EXOC4: variants seen among roughly 807,000 people sequenced by gnomAD.
EXOC4 encodes the protein SEC8-like 1.
EXOC4 carries 71 observed loss-of-function variants against 107.2 expected under a neutral mutation model. The ratio of observed to expected loss-of-function variants is 0.66; its 90% CI spans 0.55 to 0.81. The LOEUF (loss-of-function observed/expected upper bound fraction) is 0.81. EXOC4 is among the 30% of genes least tolerant of loss of function. The pLI is 0.00. For missense variants in EXOC4, 1,108 were observed against 1,189.6 expected (o/e 0.93, Z 1.01); for synonymous variants, 456 against 441.2 (o/e 1.03, Z -0.42).
At chr7:134,015,736 G>A (rs1794891307) in intron 17 of EXOC4, among the ~76,000 whole-genome samples, 1 of 151,990 alleles carries the variant, frequency 6.6e-6, no homozygotes, top group African/African-American at 2.4e-5. Context: ...TTAGCCAGGT[G>A]TGGTGGCACG....
intron 7 of EXOC4, among the ~76,000 whole-genome samples, chr7:133,466,580 A>G (rs915767789): frequency 6.6e-6 from 1 of 152,194 alleles, no homozygotes; most frequent in African/African-American, 2.4e-5. Context: ...CACATACATA[A>G]TTCACACAAA....
chr7:134,060,551 T>C (rs985697352), intron 17 of EXOC4, among the ~76,000 whole-genome samples: 3 of 152,222 alleles, frequency 2.0e-5, no homozygotes, highest in Non-Finnish European at 4.4e-5. Context: ...GACCAAGCTT[T>C]CAATTTCCTG....
chr7:133,466,403 C>T (rs2150833614), intron 7 of EXOC4, among the ~76,000 whole-genome samples: 1 of 152,156 alleles, frequency 6.6e-6, no homozygotes, highest in East Asian at 1.9e-4. Flanking sequence ...ACTACAGGCT[C>T]TACAGAAATT....
At chr7:134,036,719 T>C (rs1010153742) in intron 17 of EXOC4, among the ~76,000 whole-genome samples, 1 of 152,212 alleles carries the variant, frequency 6.6e-6, no homozygotes, top group African/African-American at 2.4e-5. Context: ...CATTTACATA[T>C]GTAGATATTC....
chr7:133,470,509 A>C (rs1187772801), intron 7 of EXOC4, among the ~76,000 whole-genome samples: 1 of 152,196 alleles, frequency 6.6e-6, no homozygotes, highest in African/African-American at 2.4e-5. Context: ...ATTCAACGTA[A>C]TAGGTCCTCA....
chr7:133,446,434 G>A (rs1408125779), intron 7 of EXOC4, among the ~76,000 whole-genome samples: 1 of 152,178 alleles, frequency 6.6e-6, no homozygotes, highest in African/African-American at 2.4e-5. Flanking sequence ...AGGGCTGTCT[G>A]TAAAATGAAG....
At position 133,339,068 on chromosome 7, in the gene EXOC4, T is replaced by C. The variant is rs183927944; in HGVS notation, c.764-17262T>C. Among the ~76,000 whole-genome samples, 687 of 152,300 alleles carry C rather than the reference T, an allele frequency of 4.5e-3. 4 individuals are homozygous for C. The highest frequency in any genetic ancestry group is 0.017 in the Middle Eastern group (5 of 294). ...TGCCCAGCCCATTATATCATTCTTA[T>C]GCTTTTACATCTTTATAGCTTAGCT... On this transcript the variant is annotated intron_variant, in intron 5 of 17. Coordinates refer to ENST00000253861, the MANE Select transcript of EXOC4 (RefSeq NM_021807.4).
At chr7:133,600,846 C>G (rs2150986828) in intron 9 of EXOC4, among the ~76,000 whole-genome samples, 1 of 152,192 alleles carries the variant, frequency 6.6e-6, no homozygotes, top group East Asian at 1.9e-4. Context: ...TTTAACATTT[C>G]AAACCTTTAG....
chr7:133,390,181 G>A (rs1796821381), intron 7 of EXOC4, among the ~76,000 whole-genome samples: 1 of 152,162 alleles, frequency 6.6e-6, no homozygotes, highest in Non-Finnish European at 1.5e-5. Context: ...AATAGCTGAA[G>A]CCATACAAAT....
At chr7:133,802,425 G>A (rs919535954) in intron 10 of EXOC4, among the ~76,000 whole-genome samples, 1 of 152,068 alleles carries the variant, frequency 6.6e-6, no homozygotes, top group African/African-American at 2.4e-5. Flanking sequence ...GCTTACATAT[G>A]GTCAGTAAAT....
intron 5 of EXOC4, among the ~76,000 whole-genome samples, chr7:133,354,916 A>G (rs1235359319): frequency 1.3e-5 from 2 of 152,202 alleles, no homozygotes; most frequent in East Asian, 1.9e-4. Context: ...AGATTCTGCC[A>G]GTACAATCGT....
At chr7:133,789,074 C>A (rs1691833100) in intron 10 of EXOC4, among the ~76,000 whole-genome samples, 1 of 152,110 alleles carries the variant, frequency 6.6e-6, no homozygotes, top group African/African-American at 2.4e-5. Flanking sequence ...GCCATATAGT[C>A]TGGTTTTCAC....
chr7:133,929,775 T>G (rs898202245), intron 13 of EXOC4, among the ~76,000 whole-genome samples: 1 of 152,078 alleles, frequency 6.6e-6, no homozygotes, highest in Non-Finnish European at 1.5e-5. Context: ...TTTGCGTCAA[T>G]GTGTATCTCA....
chr7:133,275,605 C>T (rs1172349271), intron 2 of EXOC4, among the ~76,000 whole-genome samples: 1 of 152,136 alleles, frequency 6.6e-6, no homozygotes, highest in African/African-American at 2.4e-5. Flanking sequence ...TAGTGGCTGA[C>T]CTATTGACAC....
intron 5 of EXOC4, among the ~76,000 whole-genome samples, chr7:133,352,690 T>G (rs777986834): frequency 2.6e-5 from 4 of 152,058 alleles, no homozygotes; most frequent in Admixed American, 6.6e-5. Flanking sequence ...GCTATTTTTT[T>G]CTATATGCAT....
chr7:133,279,172 G>T (rs1473534975), intron 2 of EXOC4, among the ~76,000 whole-genome samples: 1 of 152,160 alleles, frequency 6.6e-6, no homozygotes, highest in Non-Finnish European at 1.5e-5. Context: ...TGGCTGCATA[G>T]TATTCCCTGG....
chr7:133,609,719 C>G (rs1802033372), intron 9 of EXOC4, among the ~76,000 whole-genome samples: 1 of 152,196 alleles, frequency 6.6e-6, no homozygotes. Context: ...TAGTGATAGA[C>G]ACGGTGGGCC....
chr7:133,539,752 C>T (rs921866874), intron 9 of EXOC4, among the ~76,000 whole-genome samples: 3 of 151,738 alleles, frequency 2.0e-5, no homozygotes, highest in African/African-American at 7.3e-5. Context: ...AAAATGAAAC[C>T]TGTTTGAAGA....
intron 11 of EXOC4, among the ~76,000 whole-genome samples, chr7:133,827,961 C>T (rs1164354717): frequency 3.3e-5 from 5 of 152,016 alleles, no homozygotes; most frequent in Non-Finnish European, 7.4e-5. Flanking sequence ...TCTGAGATTA[C>T]TTTCTATCAT....
Sources: allele counts gnomAD v4.1 joint callset (sites outside exome capture counted in the v4.1 genomes callset), GRCh38; gene constraint gnomAD v4.1.1; transcripts MANE v1.5; gene names NCBI Gene and HGNC (gene_info 2026-07-23, HGNC 2026-07-21).